The following OXSR1 variants were observed in gnomAD, a reference collection of about 807,000 sequenced individuals.
The protein encoded by OXSR1 is oxidative stress responsive kinase 1, also known as serine/threonine-protein kinase OSR1.
OXSR1 carries 24 observed loss-of-function variants against 79.8 expected under a neutral mutation model. The ratio of observed to expected loss-of-function variants is 0.30; its 90% CI spans 0.22 to 0.42. OXSR1 has a LOEUF of 0.42. Among genes scored for constraint, OXSR1 ranks in the 10% least tolerant of loss-of-function variants. The pLI, the probability that OXSR1 is intolerant of heterozygous loss-of-function variation, is 1.00. For missense variants in OXSR1, 430 were observed against 618.4 expected (o/e 0.70, Z 3.23); for synonymous variants, 226 against 209.2 (o/e 1.08, Z -0.69).
intron 10 of OXSR1, among the ~76,000 whole-genome samples, chr3:38,232,235 C>T (rs1702824082): frequency 6.6e-6 from 1 of 151,622 alleles, no homozygotes; most frequent in African/African-American, 2.4e-5. Context: ...GCCTGAGCAA[C>T]ATAGTGAGAC....
chr3:38,190,879 T>A, intron 3 of OXSR1, 40 bp downstream of exon 3: 1 of 1,123,144 alleles, frequency 8.9e-7, no homozygotes, highest in Non-Finnish European at 1.3e-6. Context: ...TACCATGGTT[T>A]GAAAAGTTAG....
intron 1 of OXSR1, among the ~76,000 whole-genome samples, chr3:38,173,868 G>A (rs1041118950): frequency 1.3e-4 from 20 of 152,220 alleles, no homozygotes; most frequent in Admixed American, 6.5e-5. Context: ...AGAAGAAAAA[G>A]CAGGGAAAGG....
intron 14 of OXSR1, among the ~76,000 whole-genome samples, chr3:38,248,411 G>T (rs998314544): frequency 7.4e-6 from 1 of 134,868 alleles, no homozygotes; most frequent in African/African-American, 2.8e-5. Context: ...TATGGCTGTT[G>T]TATTGCTCTA....
chr3:38,236,671 A>G (rs565900505), intron 10 of OXSR1, 168 bp from the exon 11 acceptor site: 4 of 507,474 alleles, frequency 7.9e-6, no homozygotes, highest in Admixed American at 3.6e-5. Context: ...GAGATTGTCA[A>G]CAGAGAGCAG....
intron 1 of OXSR1, among the ~76,000 whole-genome samples, chr3:38,181,151 G>A (rs1407096935): frequency 6.9e-6 from 1 of 144,342 alleles, no homozygotes; most frequent in Admixed American, 7.0e-5. Flanking sequence ...TTTTCTCTCT[G>A]TTGTTTAGAT....
At chr3:38,205,006 C>T (rs1702239299) in intron 4 of OXSR1, among the ~76,000 whole-genome samples, 1 of 152,180 alleles carries the variant, frequency 6.6e-6, no homozygotes, top group Non-Finnish European at 1.5e-5. Context: ...CTGAGATGGG[C>T]AATTCCCCCT....
chr3:38,183,966 T>C (rs530370705), intron 2 of OXSR1, among the ~76,000 whole-genome samples: 14 of 152,228 alleles, frequency 9.2e-5, no homozygotes, highest in Non-Finnish European at 2.1e-4. Context: ...TTGAGGTTTT[T>C]CTTGAGGCTC....
At position 38,252,376 on chromosome 3, in the gene OXSR1, C is replaced by G. The variant is rs1444372436; in HGVS notation, c.1493C>G (p.Ser498Cys). 1 of 1,610,734 alleles carries G rather than the reference C, an allele frequency of 6.2e-7. No individual in the cohort carries two copies. Among genetic ancestry groups the G allele is most frequent in the Non-Finnish European group, 8.5e-7 (1 of 1,177,102 alleles). The change falls in exon 17 of 18, where the codon TCT (serine) becomes TGT (cysteine). Residue 498 changes from serine to cysteine, a missense_variant. Physicochemically the swap from Ser to Cys is moderately radical, Grantham distance 112 (BLOSUM62 -1). Transcript: ENST00000311806. Reference protein sequence around the residue: ...KIVEEPQSNRSVTFKLASGVE... With the variant: ...KIVEEPQSNRCVTFKLASGVE... ...GTGGAAGAACCTCAGTCAAATCGAT[C>G]TGTCACTTTCAAACTGGTACTCATC...
intron 13 of OXSR1, 129 bp downstream of exon 13, chr3:38,246,350 G>C (rs1296990580): frequency 1.1e-6 from 1 of 899,496 alleles, no homozygotes; most frequent in Non-Finnish European, 1.6e-6. Flanking sequence ...TAGAAATTCT[G>C]TCTTCACATT....
chr3:38,211,322 A>C (rs983636100), intron 4 of OXSR1, among the ~76,000 whole-genome samples: 2 of 152,194 alleles, frequency 1.3e-5, no homozygotes, highest in Admixed American at 6.5e-5. Flanking sequence ...AGGAACCCCT[A>C]TAACCCTAAT....
At chr3:38,239,588 C>T (rs1299171710) in intron 11 of OXSR1, among the ~76,000 whole-genome samples, 1 of 152,116 alleles carries the variant, frequency 6.6e-6, no homozygotes, top group Non-Finnish European at 1.5e-5. Context: ...CTGTTCCTGG[C>T]CCTGTGTGAG....
chr3:38,247,804 C>A, intron 14 of OXSR1, 72 bp downstream of exon 14: 2 of 892,994 alleles, frequency 2.2e-6, no homozygotes, highest in Non-Finnish European at 3.6e-6. Flanking sequence ...TAGTCTGTGC[C>A]TGAGAGTAAC....
At chr3:38,210,310 G>C (rs1481859) in intron 4 of OXSR1, among the ~76,000 whole-genome samples, 1 of 152,196 alleles carries the variant, frequency 6.6e-6, no homozygotes, top group Non-Finnish European at 1.5e-5. Context: ...ATGGGACTGA[G>C]ACTGGGTATT....
At chr3:38,215,702 T>C (rs1702468988) in intron 4 of OXSR1, among the ~76,000 whole-genome samples, 1 of 152,180 alleles carries the variant, frequency 6.6e-6, no homozygotes, top group Non-Finnish European at 1.5e-5. Context: ...GTAATTTCCA[T>C]CTTTTTGTTA....
chr3:38,249,472 A>G (rs1190659570), intron 14 of OXSR1, among the ~76,000 whole-genome samples: 1 of 152,026 alleles, frequency 6.6e-6, no homozygotes, highest in East Asian at 1.9e-4. Context: ...TATTATCCCC[A>G]TCTCTCATAT....
chr3:38,249,938 A>G lies in OXSR1; in HGVS notation c.1323-28A>G, dbSNP rs36085756. 584 of 1,331,814 alleles carry G rather than the reference A, an allele frequency of 4.4e-4. 2 individuals are homozygous for G. The African/African-American group carries it at 7.4e-3, about 17-fold the overall frequency. 82.5% of individuals were successfully genotyped at this position (1,331,814 alleles called of 1,614,324 possible). A position where few individuals can be genotyped will look rare whatever the true frequency, so the allele number is the denominator to read the frequency against. ...TCTTTGCATAAATTTAGAAATTCTTATTTTATGCATTCTGCTTTCTTTCAT... is the reference window on the plus strand; with the variant it reads ...TCTTTGCATAAATTTAGAAATTCTTGTTTTATGCATTCTGCTTTCTTTCAT... On this transcript the variant is annotated intron_variant, in intron 14 of 17. Transcript: ENST00000311806.
chr3:38,165,975 G>C, intron 1 of OXSR1, 29 bp downstream of exon 1: 7 of 1,591,912 alleles, frequency 4.4e-6, no homozygotes, highest in Non-Finnish European at 6.0e-6. Flanking sequence ...GAGGGGGGAG[G>C]CGCGGCGCTG....
rs189344337 is a variant in OXSR1, at chr3:38,200,929, C to G, written c.434+2066C>G. Among the ~76,000 whole-genome samples, 114 of 152,226 alleles carry G rather than the reference C, an allele frequency of 7.5e-4. No homozygotes were observed. The East Asian group carries it at 0.02, about 26-fold the overall frequency. On this transcript the variant is annotated intron_variant, in intron 4 of 17. Transcript: ENST00000311806. ...TTCATTGGTCCCATGCTAGCCTTGC[C>G]TATTAAAATTTTTAATTTACATGTT...
intron 8 of OXSR1, among the ~76,000 whole-genome samples, chr3:38,228,141 T>C (rs761272962): frequency 2.6e-5 from 4 of 152,218 alleles, no homozygotes; most frequent in Non-Finnish European, 5.9e-5. Context: ...ACTGTGACTT[T>C]AACCCAGAGT....
Sources: gnomAD v4.1 joint callset for allele counts (sites outside exome capture counted in the v4.1 genomes callset) on GRCh38, gnomAD v4.1.1 for gene constraint, MANE v1.5 for transcripts, NCBI Gene and HGNC (gene_info 2026-07-23, HGNC 2026-07-21) for gene names.